Variants in PLXDC2 observed in about 807,000 individuals in gnomAD.
PLXDC2 encodes plexin domain containing 2.
Under a neutral mutation model 68.9 loss-of-function variants are expected in PLXDC2, and 40 were observed. The ratio of observed to expected loss-of-function variants is 0.58; its 90% CI spans 0.45 to 0.76. The LOEUF is 0.76. Ranked by LOEUF, PLXDC2 falls within the 30% of genes least tolerant of loss-of-function variation. PLXDC2 has a pLI of 0.00. For synonymous variants in PLXDC2, 243 were observed against 234.2 expected (o/e 1.04, Z -0.34); for missense variants, 644 against 661.9 (o/e 0.97, Z 0.30).
At chr10:20,275,716 C>T (rs1259417475) in intron 13 of PLXDC2, among the ~76,000 whole-genome samples, 1 of 152,054 alleles carries the variant, frequency 6.6e-6, no homozygotes, top group African/African-American at 2.4e-5. Context: ...AGTTCAAGAC[C>T]AGCCTGGCCA....
At chr10:20,276,591 T>C (rs1836009722) in intron 13 of PLXDC2, among the ~76,000 whole-genome samples, 1 of 152,212 alleles carries the variant, frequency 6.6e-6, no homozygotes, top group Admixed American at 6.5e-5. Flanking sequence ...CCTGAAACTC[T>C]GTAATGAATT....
chr10:19,838,951 C>T (rs1038544315), intron 1 of PLXDC2, among the ~76,000 whole-genome samples: 1 of 152,018 alleles, frequency 6.6e-6, no homozygotes, highest in East Asian at 1.9e-4. Context: ...TTTGTGAGGC[C>T]GAGGCCAGTG....
intron 13 of PLXDC2, among the ~76,000 whole-genome samples, chr10:20,271,214 G>T (rs111962923): frequency 0.015 from 2,299 of 151,124 alleles, 53 homozygotes; most frequent in African/African-American, 0.049. Context: ...GCCACAAAAC[G>T]GAAAGCGTCA....
At chr10:19,828,772 T>C (rs937317521) in intron 1 of PLXDC2, among the ~76,000 whole-genome samples, 2 of 152,190 alleles carry the variant, frequency 1.3e-5, no homozygotes, top group African/African-American at 4.8e-5. Context: ...GCTGATTTTT[T>C]TTTTAAGCCA....
chr10:19,997,545 T>C (rs1834863045), intron 1 of PLXDC2, among the ~76,000 whole-genome samples: 1 of 152,204 alleles, frequency 6.6e-6, no homozygotes, highest in Non-Finnish European at 1.5e-5. Context: ...GTGTGCTTTG[T>C]ATGTAAAACT....
intron 1 of PLXDC2, among the ~76,000 whole-genome samples, chr10:19,837,810 A>G (rs1382081873): frequency 6.6e-6 from 1 of 152,164 alleles, no homozygotes; most frequent in Non-Finnish European, 1.5e-5. Context: ...ACATGCTTCC[A>G]CATAAATCAG....
intron 1 of PLXDC2, among the ~76,000 whole-genome samples, chr10:19,820,779 TAA>T (rs1836453596): frequency 6.6e-6 from 1 of 151,678 alleles, no homozygotes; most frequent in Non-Finnish European, 1.5e-5. Flanking sequence ...TCATGGGATC[TAA>T]AGTCTTCAGC....
chr10:19,859,523 T>C (rs1837280583), intron 1 of PLXDC2, among the ~76,000 whole-genome samples: 1 of 152,164 alleles, frequency 6.6e-6, no homozygotes, highest in Non-Finnish European at 1.5e-5. Context: ...AAATAATATG[T>C]AATTGAAATT....
intron 4 of PLXDC2, among the ~76,000 whole-genome samples, chr10:20,072,402 A>G (rs72791875): frequency 0.11 from 14,147 of 127,826 alleles, 952 homozygotes; most frequent in South Asian, 0.3. Flanking sequence ...GAAAGAAAGA[A>G]GAAAGAAAGA....
chr10:20,002,181 A>G (rs746313398), intron 2 of PLXDC2, among the ~76,000 whole-genome samples, 195 bp downstream of exon 2: 1 of 152,004 alleles, frequency 6.6e-6, no homozygotes, highest in African/African-American at 2.4e-5. Flanking sequence ...ACAGACAAAC[A>G]CAGGCTTGGT....
chr10:20,172,497 T>C lies in PLXDC2; in HGVS notation c.884-4502T>C, dbSNP rs182424421. ...TCTTTATTCCTTAATTGTTTTTTCT[T>C]TTATTGATGCATAATACTTTACATA... On this transcript the variant is annotated intron_variant, in intron 7 of 13. Transcript: ENST00000377252. 1.0e-3 allele frequency among the ~76,000 whole-genome samples: 155 copies of C among 152,288 alleles called. 1 individual carries two copies. The highest frequency in any genetic ancestry group is 1.7e-3 in the Admixed American group (26 of 15,276).
intron 1 of PLXDC2, among the ~76,000 whole-genome samples, chr10:19,953,878 T>C (rs777430027): frequency 6.6e-6 from 1 of 152,200 alleles, no homozygotes; most frequent in African/African-American, 2.4e-5. Context: ...GATGAAATGA[T>C]GTTCTTCCAA....
intron 12 of PLXDC2, among the ~76,000 whole-genome samples, chr10:20,239,291 T>C (rs992308618): frequency 1.3e-5 from 2 of 152,194 alleles, no homozygotes; most frequent in African/African-American, 4.8e-5. Flanking sequence ...GTTTCTTTAA[T>C]ATTCCCCTAA....
chr10:19,836,301 G>C (rs1302240026), intron 1 of PLXDC2, among the ~76,000 whole-genome samples: 1 of 152,164 alleles, frequency 6.6e-6, no homozygotes, highest in Non-Finnish European at 1.5e-5. Flanking sequence ...TTATAGGCAT[G>C]GGGGAAGACA....
intron 13 of PLXDC2, among the ~76,000 whole-genome samples, chr10:20,272,011 A>G (rs1339113842): frequency 6.6e-6 from 1 of 152,164 alleles, no homozygotes; most frequent in Non-Finnish European, 1.5e-5. Context: ...GGATGACTGA[A>G]TGCATTATCA....
At chr10:20,250,314 G>T (rs962924904) in intron 13 of PLXDC2, among the ~76,000 whole-genome samples, 2 of 150,536 alleles carry the variant, frequency 1.3e-5, no homozygotes, top group African/African-American at 4.9e-5. Flanking sequence ...ATCCTTGAGT[G>T]TATATATCAG....
chr10:20,214,393 T>C (rs560338389), intron 10 of PLXDC2, among the ~76,000 whole-genome samples: 13 of 152,266 alleles, frequency 8.5e-5, no homozygotes, highest in Non-Finnish European at 1.6e-4. Flanking sequence ...ATTTTCAGGC[T>C]ACCATAAGTC....
At chr10:20,044,536 C>T (rs1188058070) in intron 2 of PLXDC2, among the ~76,000 whole-genome samples, 5 of 151,884 alleles carry the variant, frequency 3.3e-5, no homozygotes, top group African/African-American at 1.2e-4. Context: ...TCTGGAACTC[C>T]TGACCTCAGG....
chr10:20,035,339 C>G (rs1780892508), intron 2 of PLXDC2, among the ~76,000 whole-genome samples: 1 of 151,994 alleles, frequency 6.6e-6, no homozygotes, highest in African/African-American at 2.4e-5. Flanking sequence ...AGAGAAAGGG[C>G]TAAAGAAAAG....
Sources: allele counts gnomAD v4.1 joint callset (sites outside exome capture counted in the v4.1 genomes callset), GRCh38; gene constraint gnomAD v4.1.1; transcripts MANE v1.5; gene names NCBI Gene and HGNC (gene_info 2026-07-23, HGNC 2026-07-21).